TMEM132D: variants seen among roughly 807,000 people sequenced by gnomAD.
TMEM132D encodes the protein mature OL transmembrane protein.
TMEM132D carries 21 observed loss-of-function variants against 62.3 expected under a neutral mutation model. The observed-to-expected ratio is 0.34, with a 90% CI of 0.24 to 0.49. The LOEUF is 0.49. TMEM132D is among the 20% of genes least tolerant of loss of function. TMEM132D has a pLI of 0.99. For missense variants in TMEM132D, 1,346 were observed against 1,402.8 expected (o/e 0.96, Z 0.65); for synonymous variants, 621 against 575.6 (o/e 1.08, Z -1.13).
chr12:129,079,890 C>T (rs1874397688), intron 7 of TMEM132D, among the ~76,000 whole-genome samples: 1 of 152,172 alleles, frequency 6.6e-6, no homozygotes, highest in South Asian at 2.1e-4. Context: ...AAATAATGTT[C>T]ATGTTTAATG....
chr12:129,667,189 A>G (rs902364006), intron 2 of TMEM132D, among the ~76,000 whole-genome samples: 2 of 152,208 alleles, frequency 1.3e-5, no homozygotes, highest in Non-Finnish European at 2.9e-5. Flanking sequence ...AGGGTTCTAA[A>G]AAGTTTATGA....
At chr12:129,368,396 T>C (rs1022154534) in intron 3 of TMEM132D, among the ~76,000 whole-genome samples, 3 of 152,330 alleles carry the variant, frequency 2.0e-5, no homozygotes, top group South Asian at 2.1e-4. Flanking sequence ...GCTTATAAAC[T>C]GTGTCCTATA....
chr12:129,828,876 G>C (rs956514720), intron 1 of TMEM132D, among the ~76,000 whole-genome samples: 3 of 149,794 alleles, frequency 2.0e-5, no homozygotes, highest in Non-Finnish European at 3.0e-5. Flanking sequence ...ATTATTCCAA[G>C]AGAGAAACAG....
chr12:129,754,103 TGAA>T (rs762943950), intron 1 of TMEM132D, among the ~76,000 whole-genome samples: 14 of 152,238 alleles, frequency 9.2e-5, no homozygotes, highest in African/African-American at 2.2e-4. Flanking sequence ...TTCTCTGGTT[TGAA>T]GAAGAAGAAG....
intron 3 of TMEM132D, among the ~76,000 whole-genome samples, chr12:129,480,610 G>C (rs1483034079): frequency 6.6e-6 from 1 of 152,192 alleles, no homozygotes; most frequent in Non-Finnish European, 1.5e-5. Context: ...ATCTGGTTCT[G>C]AGTCATACCT....
intron 1 of TMEM132D, among the ~76,000 whole-genome samples, chr12:129,760,833 C>T (rs1225023851): frequency 6.6e-6 from 1 of 151,964 alleles, no homozygotes; most frequent in Non-Finnish European, 1.5e-5. Context: ...CCCCAACAGG[C>T]CCCGTGTGTG....
At chr12:129,848,919 T>C (rs1593185364) in intron 1 of TMEM132D, among the ~76,000 whole-genome samples, 1 of 152,166 alleles carries the variant, frequency 6.6e-6, no homozygotes, top group South Asian at 2.1e-4. Flanking sequence ...CTCAACTTCA[T>C]CCCACTGTTC....
At chr12:129,654,548 A>G (rs1459110166) in intron 2 of TMEM132D, among the ~76,000 whole-genome samples, 1 of 152,184 alleles carries the variant, frequency 6.6e-6, no homozygotes, top group Non-Finnish European at 1.5e-5. Flanking sequence ...CCACTGAAAA[A>G]TGCATAATCA....
At chr12:129,775,131 G>T (rs1870877841) in intron 1 of TMEM132D, among the ~76,000 whole-genome samples, 1 of 152,184 alleles carries the variant, frequency 6.6e-6, no homozygotes, top group African/African-American at 2.4e-5. Context: ...ACACAAAAGT[G>T]TAATAATCTA....
chr12:129,097,640 A>T (rs1875157771), intron 5 of TMEM132D, among the ~76,000 whole-genome samples: 1 of 152,206 alleles, frequency 6.6e-6, no homozygotes, highest in Non-Finnish European at 1.5e-5. Flanking sequence ...GGGGAAACTC[A>T]TGGAGAAATG....
At chr12:129,654,963 T>G (rs2137186403) in intron 2 of TMEM132D, among the ~76,000 whole-genome samples, 1 of 152,320 alleles carries the variant, frequency 6.6e-6, no homozygotes, top group Non-Finnish European at 1.5e-5. Flanking sequence ...TTTTTTCCTT[T>G]TTGAGACGGA....
chr12:129,767,438 C>T (rs968552675), intron 1 of TMEM132D, among the ~76,000 whole-genome samples: 4 of 152,100 alleles, frequency 2.6e-5, no homozygotes, highest in Non-Finnish European at 5.9e-5. Flanking sequence ...CATCACCCAC[C>T]CCCAGAACTC....
At chr12:129,086,217 T>C (rs1477208900) in intron 5 of TMEM132D, among the ~76,000 whole-genome samples, 2 of 152,050 alleles carry the variant, frequency 1.3e-5, no homozygotes, top group Non-Finnish European at 2.9e-5. Flanking sequence ...TGTGTGTGTG[T>C]GTGTGTGTGT....
At chr12:129,387,417 A>G (rs1871140435) in intron 3 of TMEM132D, among the ~76,000 whole-genome samples, 1 of 151,106 alleles carries the variant, frequency 6.6e-6, no homozygotes, top group South Asian at 2.1e-4. Flanking sequence ...TATCACTAAC[A>G]CTAACGCCAA....
intron 3 of TMEM132D, among the ~76,000 whole-genome samples, chr12:129,387,395 C>T (rs900806858): frequency 8.6e-5 from 13 of 151,986 alleles, no homozygotes; most frequent in African/African-American, 2.9e-4. Context: ...ACACTAACAT[C>T]AACATCAACC....
intron 3 of TMEM132D, among the ~76,000 whole-genome samples, chr12:129,339,250 A>T (rs1869388092): frequency 6.7e-6 from 1 of 149,740 alleles, no homozygotes; most frequent in Admixed American, 6.6e-5. Context: ...CTGGGTGATG[A>T]AATGAAAATA....
chr12:129,532,739 G>C lies in TMEM132D; in HGVS notation c.969-1534C>G, dbSNP rs971309847. Among the ~76,000 whole-genome samples the C allele has an allele frequency of 2.0e-5, 3 of 152,160 alleles. No individual in the cohort carries two copies. The East Asian group carries it at 5.8e-4, about 29-fold the overall frequency. On this transcript the variant is annotated intron_variant, in intron 2 of 8. Coordinates refer to ENST00000422113, the MANE Select transcript of TMEM132D (RefSeq NM_133448.3). Reference sequence around the variant, plus strand: ...TTCTAGGAGCATAGAATTTTGGTACGTGCCAGGCAGAGGGTGCCCCCATGA... The same window carrying C: ...TTCTAGGAGCATAGAATTTTGGTACCTGCCAGGCAGAGGGTGCCCCCATGA...
intron 3 of TMEM132D, among the ~76,000 whole-genome samples, chr12:129,437,497 G>A (rs564180656): frequency 8.5e-5 from 13 of 152,260 alleles, no homozygotes; most frequent in Middle Eastern, 3.4e-3. Flanking sequence ...TACTTTGCAC[G>A]TTTTCATACT....
chr12:129,535,988 C>A (rs1186108239), intron 2 of TMEM132D, among the ~76,000 whole-genome samples: 1 of 152,128 alleles, frequency 6.6e-6, no homozygotes, highest in Admixed American at 6.5e-5. Flanking sequence ...GGCTAATCAG[C>A]TATCCGCAGG....
Sources: allele counts gnomAD v4.1 joint callset (sites outside exome capture counted in the v4.1 genomes callset), GRCh38; gene constraint gnomAD v4.1.1; transcripts MANE v1.5; gene names NCBI Gene and HGNC (gene_info 2026-07-23, HGNC 2026-07-21).